APBB1IP: variants seen among roughly 807,000 people sequenced by gnomAD.
APBB1IP encodes the protein amyloid beta precursor protein binding family B member 1 interacting protein, also known as amyloid beta A4 precursor protein-binding family B member 1-interacting protein.
Under a neutral mutation model 64.9 loss-of-function variants are expected in APBB1IP, and 27 were observed. The observed-to-expected ratio is 0.42, with a 90% CI of 0.31 to 0.57. The LOEUF (loss-of-function observed/expected upper bound fraction) is 0.57. APBB1IP is among the 20% of genes least tolerant of loss of function. The pLI, the probability that APBB1IP is intolerant of heterozygous loss-of-function variation, is 0.20. For missense variants in APBB1IP, 812 were observed against 845.5 expected, an observed-to-expected ratio of 0.96 and a Z score of 0.49; for synonymous variants, 392 against 331.0, an observed-to-expected ratio of 1.18 and a Z score of -2.00.
At chr10:26,516,781 C>G (rs539198203) in intron 8 of APBB1IP, among the ~76,000 whole-genome samples, 1 of 152,086 alleles carries the variant, frequency 6.6e-6, no homozygotes, top group African/African-American at 2.4e-5. Flanking sequence ...GGGAAGGCAA[C>G]GTCTTGCATG....
At position 26,560,260 on chromosome 10, in the gene APBB1IP, TG is replaced by T. The variant is rs1425430667; in HGVS notation, c.1254+60del. The stretch of plus-strand genomic sequence containing the variant: ...GAACTTGCCAGCCAACTTCCTGACC[TG>T]GGCACAGCCTTCCTGGTACTGTGAA... On this transcript the variant is annotated intron_variant, in intron 12 of 14. Coordinates refer to ENST00000376236, the MANE Select transcript of APBB1IP (RefSeq NM_019043.4). 2.0e-6 allele frequency: 3 copies of T among 1,486,410 alleles called. No homozygotes were observed. In the African/African-American group the frequency reaches 4.2e-5, roughly 21 times the overall value. 92.1% of individuals were successfully genotyped at this position (1,486,410 alleles called of 1,614,324 possible).
intron 8 of APBB1IP, among the ~76,000 whole-genome samples, chr10:26,517,827 T>C (rs1391463202): frequency 6.6e-6 from 1 of 152,262 alleles, no homozygotes; most frequent in Admixed American, 6.5e-5. Flanking sequence ...CTTTAACAAG[T>C]AATGCTGTTG....
intron 11 of APBB1IP, among the ~76,000 whole-genome samples, chr10:26,548,235 G>A (rs1451864016): frequency 1.3e-5 from 2 of 151,918 alleles, no homozygotes; most frequent in Non-Finnish European, 1.5e-5. Flanking sequence ...TGTGCACAAC[G>A]TGCAGGTTAG....
chr10:26,562,391 G>C lies in APBB1IP; in HGVS notation c.1435G>C (p.Val479Leu), dbSNP rs1294997113. 6.2e-7 allele frequency: 1 copy of C among 1,614,002 alleles called. No homozygotes were observed. The highest frequency in any genetic ancestry group is 8.5e-7 in the Non-Finnish European group (1 of 1,179,930). ...CCAGGCTACACATTCTGTCAGTGCT[G>C]TTCTCCAAGAGGCCCAGAGACATGC... is the stretch of plus-strand genomic sequence containing the variant. ...IPQATHSVSA[V>L]LQEAQRHAET... Residue 479 changes from valine to leucine, a missense_variant, in exon 14 of 15, where the codon GTT (valine) becomes CTT (leucine). By Grantham distance (32) the Val-to-Leu change is conservative (BLOSUM62 1). Around this residue, in one of 3 missense-constraint regions of APBB1IP, gnomAD observed 381 missense variants for 352.1 expected, o/e 1.08. Coordinates refer to ENST00000376236, the MANE Select transcript of APBB1IP (RefSeq NM_019043.4).
chr10:26,473,394 T>C (rs1390383451), intron 2 of APBB1IP, among the ~76,000 whole-genome samples: 8 of 152,248 alleles, frequency 5.3e-5, no homozygotes, highest in Non-Finnish European at 1.0e-4. Flanking sequence ...GCTGTCTTAA[T>C]TGGCTGGCCT....
At position 26,560,744 on chromosome 10, in the gene APBB1IP, C is replaced by T; in HGVS notation, c.1269C>T (p.Leu423=). 6.3e-7 allele frequency: 1 copy of T among 1,597,364 alleles called. No individual in the cohort carries two copies. Among genetic ancestry groups the T allele is most frequent in the Non-Finnish European group, 8.5e-7 (1 of 1,171,780 alleles). The part of the protein sequence containing the change: ...GIRIAKYGKT[L]YDNYQRAVAK... ...TCTCTCCCCAGTATGGGAAGACTCT[C>T]TATGATAACTACCAGCGGGCTGTGG... Residue 423 remains leucine, a synonymous_variant, in exon 13 of 15, where the codon CTC becomes CTT. Transcript: ENST00000376236.
intron 11 of APBB1IP, 41 bp from the exon 12 acceptor site, chr10:26,560,064 A>C: frequency 6.5e-7 from 1 of 1,536,150 alleles, no homozygotes; most frequent in South Asian, 1.1e-5. Flanking sequence ...CTCCTAATAC[A>C]TGACAAGTGA....
At chr10:26,458,217 G>A (rs1180777878) in intron 2 of APBB1IP, among the ~76,000 whole-genome samples, 3 of 152,134 alleles carry the variant, frequency 2.0e-5, no homozygotes, top group East Asian at 1.9e-4. Flanking sequence ...GTGAAACCGC[G>A]TCTCTATTGA....
Position 26,511,824 on chromosome 10 carries a change from T to G in APBB1IP, c.609T>G (p.Val203=), listed in dbSNP as rs768194960. ...ATGAGCGGCAGCTGGCCCGAGATGT[T>G]CTGGACAACCTTTTCGAGAAAACTC... ...MVDERQLARD[V]LDNLFEKTHC... The change falls in exon 7 of 15, where the codon GTT becomes GTG. Residue 203 remains valine (V), a synonymous_variant. Coordinates refer to ENST00000376236, the MANE Select transcript of APBB1IP (RefSeq NM_019043.4). 6.2e-7 allele frequency: 1 copy of G among 1,614,172 alleles called. No individual in the cohort carries two copies. Among genetic ancestry groups the G allele is most frequent in the South Asian group, 1.1e-5 (1 of 91,076 alleles).
At chr10:26,533,974 GC>G (rs946636511) in intron 9 of APBB1IP, among the ~76,000 whole-genome samples, 4 of 151,330 alleles carry the variant, frequency 2.6e-5, no homozygotes, top group East Asian at 1.9e-4. Flanking sequence ...GACAGTCCCC[GC>G]CCCCCCGAGA....
chr10:26,477,311 G>A (rs1376228579), intron 2 of APBB1IP, among the ~76,000 whole-genome samples: 2 of 152,184 alleles, frequency 1.3e-5, no homozygotes, highest in Non-Finnish European at 2.9e-5. Flanking sequence ...ATGTCCACCA[G>A]ATTTTCTCAA....
chr10:26,546,183 G>C (rs1378746770), intron 11 of APBB1IP, among the ~76,000 whole-genome samples: 1 of 152,148 alleles, frequency 6.6e-6, no homozygotes, highest in East Asian at 1.9e-4. Flanking sequence ...AATTAAATAT[G>C]ATATGCCTAC....
At chr10:26,558,615 T>TAA (rs535098612) in intron 11 of APBB1IP, among the ~76,000 whole-genome samples, 26,187 of 131,002 alleles carry the variant, frequency 0.2, 2,955 homozygotes, top group Middle Eastern at 0.27. Context: ...AGTGTTTCTT[T>TAA]AAAAAAAAAA....
Position 26,496,336 on chromosome 10 carries a change from C to T in APBB1IP, c.105C>T (p.Asp35=), listed in dbSNP as rs556843650. 54 of 1,612,806 alleles carry T rather than the reference C, an allele frequency of 3.3e-5. No homozygotes were observed. The highest frequency in any genetic ancestry group is 4.3e-5 in the Non-Finnish European group (51 of 1,179,342). ...SLGVDTLPPP[D]PNPPRAEFNY... The stretch of plus-strand genomic sequence containing the variant: ...GAGTTGACACTCTCCCTCCTCCTGA[C>T]CCTAATCCACCCAGAGCTGAATTTA... Residue 35 remains aspartate (D), a synonymous_variant, in exon 4 of 15, where the codon GAC becomes GAT. Coordinates refer to ENST00000376236, the MANE Select transcript of APBB1IP (RefSeq NM_019043.4).
At chr10:26,521,655 G>T (rs1203498010) in intron 8 of APBB1IP, among the ~76,000 whole-genome samples, 1 of 152,166 alleles carries the variant, frequency 6.6e-6, no homozygotes, top group East Asian at 1.9e-4. Flanking sequence ...CTCTGTGCTT[G>T]CGTAACCCTA....
intron 14 of APBB1IP, among the ~76,000 whole-genome samples, chr10:26,564,619 A>ACCAGGAG (rs1837016574): frequency 6.6e-6 from 1 of 152,140 alleles, no homozygotes; most frequent in Non-Finnish European, 1.5e-5. Flanking sequence ...AGTGGCCAAT[A>ACCAGGAG]TGTAGAAACC....
intron 14 of APBB1IP, 119 bp downstream of exon 14, chr10:26,562,548 C>A: frequency 1.3e-6 from 1 of 792,090 alleles, no homozygotes. Flanking sequence ...ACCTGTAATC[C>A]CAGAACTTTG....
At position 26,499,315 on chromosome 10, in the gene APBB1IP, C is replaced by CA. The variant is rs979629877; in HGVS notation, c.161-1493dup. Among the ~76,000 whole-genome samples the CA allele has an allele frequency of 1.2e-3, 161 of 133,842 alleles. 1 individual carries two copies. The highest frequency in any genetic ancestry group is 7.6e-3 in the Middle Eastern group (2 of 262). The allele number at this position is 133,842 out of a possible 152,430, so 87.8% of individuals were successfully genotyped here. On this transcript the variant is annotated intron_variant, in intron 4 of 14. Coordinates refer to ENST00000376236, the MANE Select transcript of APBB1IP (RefSeq NM_019043.4). ...TAGGTGACAAAGCGAAACTCTGTCT[C>CA]AAAAAAAAAAAGAAAAGAAATTATA...
At chr10:26,566,756 G>C (rs1564381066) in intron 14 of APBB1IP, among the ~76,000 whole-genome samples, 1 of 151,986 alleles carries the variant, frequency 6.6e-6, no homozygotes. Context: ...CACTGGGGCT[G>C]CCTTGAGAAT....
Sources: allele counts gnomAD v4.1 joint callset (sites outside exome capture counted in the v4.1 genomes callset), GRCh38; gene constraint gnomAD v4.1.1; regional missense constraint gnomAD v4.1.1; transcripts MANE v1.5; gene names NCBI Gene and HGNC (gene_info 2026-07-23, HGNC 2026-07-21).